The following ITSN1 variants were observed in gnomAD, a reference collection of about 807,000 sequenced individuals.
ITSN1 encodes intersectin 1.
Under a neutral mutation model 239.8 loss-of-function variants are expected in ITSN1, and 58 were observed. The ratio of observed to expected loss-of-function variants is 0.24; its 90% confidence interval spans 0.20 to 0.30. ITSN1 has a LOEUF of 0.30. ITSN1 is among the 10% of genes least tolerant of loss of function. ITSN1 has a pLI of 1.00. For missense variants in ITSN1, 1,558 were observed against 2,103.3 expected, an observed-to-expected ratio of 0.74 and a Z score of 5.07; for synonymous variants, 780 against 770.8, an observed-to-expected ratio of 1.01 and a Z score of -0.20.
intron 1 of ITSN1, among the ~76,000 whole-genome samples, chr21:33,682,063 T>A (rs531426150): frequency 6.8e-6 from 1 of 146,950 alleles, no homozygotes; most frequent in East Asian, 2.0e-4. Flanking sequence ...TACCAAAAGA[T>A]TATGTGCTTA....
chr21:33,770,263 A>G (rs954517909), intron 11 of ITSN1, among the ~76,000 whole-genome samples: 1 of 151,982 alleles, frequency 6.6e-6, no homozygotes, highest in African/African-American at 2.4e-5. Context: ...GGGTTTCTCC[A>G]TGTTGGTCAG....
At chr21:33,715,156 C>T (rs2065062261) in intron 1 of ITSN1, among the ~76,000 whole-genome samples, 1 of 152,130 alleles carries the variant, frequency 6.6e-6, no homozygotes, top group Non-Finnish European at 1.5e-5. Context: ...GTGAAAGTCA[C>T]AGGCAATACA....
intron 12 of ITSN1, 51 bp downstream of exon 12, chr21:33,772,374 T>A (rs768767455): frequency 9.9e-5 from 153 of 1,538,438 alleles, no homozygotes; most frequent in Non-Finnish European, 1.2e-4. Flanking sequence ...ATCACCCCTT[T>A]TCAGAATTAT....
At position 33,865,550 on chromosome 21, in the gene ITSN1, G is replaced by C. The variant is rs1374710366; in HGVS notation, c.4074+216G>C. Among the ~76,000 whole-genome samples, 1 of 152,248 alleles carries C rather than the reference G, an allele frequency of 6.6e-6. No homozygotes were observed. Among genetic ancestry groups the C allele is most frequent in the Non-Finnish European group, 1.5e-5 (1 of 68,052 alleles). ...GAGAGGAGGGGTGAACCCTGGGCTT[G>C]GAAGCTTTGAAAGTGTCTTTAGGGA... On this transcript the variant is annotated intron_variant, in intron 32 of 39. Coordinates refer to ENST00000381318, the MANE Select transcript of ITSN1 (RefSeq NM_003024.3). The surrounding 1 kb of genome is among the most constrained non-coding windows in gnomAD (Gnocchi z 4.4).
At chr21:33,864,607 C>G (rs370443070) in intron 31 of ITSN1, among the ~76,000 whole-genome samples, 1 of 152,206 alleles carries the variant, frequency 6.6e-6, no homozygotes, top group South Asian at 2.1e-4. Flanking sequence ...TAACTCAGCT[C>G]TAGCAATGAA....
At chr21:33,735,571 G>A (rs2066447854) in intron 5 of ITSN1, 1 of 247,218 alleles carries the variant, frequency 4.0e-6, no homozygotes, top group Non-Finnish European at 7.8e-6. Context: ...TTCTCCTTGT[G>A]CATAAACAAT....
intron 1 of ITSN1, among the ~76,000 whole-genome samples, chr21:33,700,704 C>T (rs1002897177): frequency 2.0e-5 from 3 of 152,124 alleles, no homozygotes; most frequent in African/African-American, 7.2e-5. Flanking sequence ...CCTGGGCCTC[C>T]ACTCTCCCCT....
chr21:33,859,074 C>CGCTGGCTCCTGATGGT (rs112209653), intron 31 of ITSN1, among the ~76,000 whole-genome samples: 3 of 152,188 alleles, frequency 2.0e-5, no homozygotes, highest in Non-Finnish European at 4.4e-5. Context: ...GCTAGGGCGA[C>CGCTGGCTCCTGATGGT]GCTGGCTCCT....
At chr21:33,858,966 T>C (rs60116100) in intron 31 of ITSN1, among the ~76,000 whole-genome samples, 174 bp downstream of exon 31, 294 of 152,210 alleles carry the variant, frequency 1.9e-3, no homozygotes, top group African/African-American at 6.6e-3. Context: ...CTTCGTGCTT[T>C]CTGGAAACGC....
chr21:33,874,795 T>C (rs544674100), intron 33 of ITSN1, among the ~76,000 whole-genome samples: 2 of 152,016 alleles, frequency 1.3e-5, no homozygotes, highest in East Asian at 3.9e-4. Context: ...ACGACAGGCA[T>C]GCGCCACCAC....
intron 29 of ITSN1, chr21:33,838,426 G>A: frequency 3.0e-6 from 3 of 983,670 alleles, no homozygotes; most frequent in Non-Finnish European, 2.4e-6. Context: ...TAAACCTGCG[G>A]CTTTAACAAC....
In ITSN1 at chr21:33,774,999, T is replaced by G; in HGVS notation, c.1487T>G (p.Leu496Arg). 6.2e-7 allele frequency: 1 copy of G among 1,613,576 alleles called. No individual in the cohort carries two copies. The highest frequency in any genetic ancestry group is 2.2e-5 in the East Asian group (1 of 44,868). Reference sequence around the variant, plus strand: ...AAAAAGCATCAACTAGAAGGGAAACTTCAAGATATCAGATGTCGATTGACC... The same window carrying G: ...AAAAAGCATCAACTAGAAGGGAAACGTCAAGATATCAGATGTCGATTGACC... ...NDKKHQLEGK[L>R]QDIRCRLTTQ... is the part of the protein sequence containing the mutation. The change falls in exon 14 of 40, where the codon CTT becomes CGT. Residue 496 changes from leucine to arginine, a missense_variant. By Grantham distance (102) the Leu-to-Arg change is moderately radical. Coordinates refer to ENST00000381318, the MANE Select transcript of ITSN1 (RefSeq NM_003024.3).
chr21:33,662,747 C>T (rs1413782075), intron 1 of ITSN1, among the ~76,000 whole-genome samples: 7 of 152,194 alleles, frequency 4.6e-5, no homozygotes, highest in Non-Finnish European at 1.5e-5. Context: ...ATCTGACCCA[C>T]ACTGCCCCTC....
At chr21:33,680,723 A>C (rs2090901252) in intron 1 of ITSN1, among the ~76,000 whole-genome samples, 1 of 152,130 alleles carries the variant, frequency 6.6e-6, no homozygotes, top group Non-Finnish European at 1.5e-5. Flanking sequence ...TTTTGGAGAG[A>C]AAACACAGCA....
intron 1 of ITSN1, among the ~76,000 whole-genome samples, chr21:33,701,302 C>T (rs909074573): frequency 4.0e-5 from 6 of 151,878 alleles, no homozygotes; most frequent in South Asian, 2.1e-4. Context: ...GGTTTTGCCA[C>T]GTCACCCAGA....
rs567069229 is a variant in ITSN1, at chr21:33,744,851, C to T, written c.347-5292C>T. On this transcript the variant is annotated intron_variant, in intron 5 of 39. Transcript: ENST00000381318. The stretch of plus-strand genomic sequence containing the variant: ...AATAATGATTTAATAATGTATTTAA[C>T]AAGAATAATTTACCTTAAGAAGATC... 3.3e-5 allele frequency among the ~76,000 whole-genome samples: 5 copies of T among 152,218 alleles called. No individual in the cohort carries two copies. In the East Asian group the frequency reaches 5.8e-4, roughly 18 times the overall value.
At chr21:33,687,475 A>G (rs1361507734) in intron 1 of ITSN1, among the ~76,000 whole-genome samples, 2 of 151,954 alleles carry the variant, frequency 1.3e-5, no homozygotes, top group African/African-American at 4.8e-5. Context: ...AGTTTTACAT[A>G]ATAAGACAAT....
intron 25 of ITSN1, among the ~76,000 whole-genome samples, chr21:33,824,117 C>G (rs1056005395): frequency 6.6e-6 from 1 of 152,218 alleles, no homozygotes; most frequent in African/African-American, 2.4e-5. Flanking sequence ...TTTGCCCACA[C>G]AGTAGAAAGA....
At chr21:33,844,738 A>G (rs1345215613) in intron 29 of ITSN1, among the ~76,000 whole-genome samples, 1 of 151,926 alleles carries the variant, frequency 6.6e-6, no homozygotes, top group Non-Finnish European at 1.5e-5. Context: ...AGCAGAGGGG[A>G]CCAGGCCAGG....
Sources: gnomAD v4.1 joint callset for allele counts (sites outside exome capture counted in the v4.1 genomes callset) on GRCh38, gnomAD v4.1.1 for gene constraint, Gnocchi (gnomAD v3.1) non-coding constraint, MANE v1.5 for transcripts, NCBI Gene and HGNC (gene_info 2026-07-23, HGNC 2026-07-21) for gene names.